PTPRD: variants seen among roughly 807,000 people sequenced by gnomAD.
PTPRD encodes the protein protein tyrosine phosphatase receptor type D, also known as receptor-type tyrosine-protein phosphatase delta.
In PTPRD, 34 loss-of-function variants were observed where a neutral mutation model predicts 214.5. That is an observed-to-expected ratio of 0.16 (90% CI 0.12 to 0.21). PTPRD has a LOEUF of 0.21. PTPRD is among the 10% of genes least tolerant of loss of function. The probability of loss-of-function intolerance (pLI) is 1.00; values close to 1 mark genes in which losing one functional copy is unlikely to be tolerated. For missense variants in PTPRD, 2,545 were observed against 2,398.7 expected, an observed-to-expected ratio of 1.06 and a Z score of -1.27; for synonymous variants, 1,128 against 845.7, an observed-to-expected ratio of 1.33 and a Z score of -5.79.
chr9:9,168,267 G>A (rs553833220), intron 10 of PTPRD, among the ~76,000 whole-genome samples: 7 of 152,120 alleles, frequency 4.6e-5, no homozygotes, highest in South Asian at 2.1e-4. Context: ...AGTTTAGATT[G>A]ACATAAAATC....
intron 7 of PTPRD, among the ~76,000 whole-genome samples, chr9:9,685,856 T>A (rs534613253): frequency 6.6e-6 from 1 of 151,596 alleles, no homozygotes; most frequent in South Asian, 2.1e-4. Context: ...TATATACCAG[T>A]AACTTTGATT....
At chr9:8,763,481 C>T (rs1165727501) in intron 11 of PTPRD, among the ~76,000 whole-genome samples, 1 of 151,936 alleles carries the variant, frequency 6.6e-6, no homozygotes, top group Non-Finnish European at 1.5e-5. Flanking sequence ...CCACTGCACT[C>T]CAGCCTGGGT....
Position 10,550,277 on chromosome 9 carries a change from T to A in PTPRD, c.-600+62121A>T, listed in dbSNP as rs184719514. Among the ~76,000 whole-genome samples the A allele has an allele frequency of 1.2e-4, 18 of 152,328 alleles. No individual in the cohort carries two copies. In the East Asian group the frequency reaches 3.3e-3, roughly 28 times the overall value. ...AATCAAGTACTTTCTTTTATACATATATAATTTTTTAAATTTAGATTCAGA... is the reference window on the plus strand; with the variant it reads ...AATCAAGTACTTTCTTTTATACATAAATAATTTTTTAAATTTAGATTCAGA... On this transcript the variant is annotated intron_variant, in intron 2 of 45. Coordinates refer to ENST00000381196, the MANE Select transcript of PTPRD (RefSeq NM_002839.4).
intron 2 of PTPRD, among the ~76,000 whole-genome samples, chr9:10,393,027 T>G (rs1034069834): frequency 6.6e-6 from 1 of 151,796 alleles, no homozygotes; most frequent in African/African-American, 2.4e-5. Flanking sequence ...TGAGCCATAT[T>G]CTAGCTGTGT....
intron 7 of PTPRD, among the ~76,000 whole-genome samples, chr9:9,630,823 A>C (rs1360300316): frequency 2.0e-5 from 3 of 152,186 alleles, no homozygotes; most frequent in Non-Finnish European, 4.4e-5. Flanking sequence ...GTCAGGAATT[A>C]GATAGTAAGC....
chr9:10,419,179 T>C (rs999388044), intron 2 of PTPRD, among the ~76,000 whole-genome samples: 2 of 151,966 alleles, frequency 1.3e-5, no homozygotes, highest in Non-Finnish European at 1.5e-5. Context: ...ATGACTTTCA[T>C]GTTGCAAAAT....
At chr9:10,208,462 G>T (rs541221754) in intron 3 of PTPRD, among the ~76,000 whole-genome samples, 5 of 152,212 alleles carry the variant, frequency 3.3e-5, no homozygotes, top group East Asian at 1.9e-4. Context: ...TGCAGTGAAC[G>T]GAGATCGCGC....
At chr9:10,303,050 TAACA>T (rs1412365245) in intron 3 of PTPRD, among the ~76,000 whole-genome samples, 2 of 151,992 alleles carry the variant, frequency 1.3e-5, no homozygotes, top group South Asian at 2.1e-4. Context: ...ATAGCAATCA[TAACA>T]AACAGTCTCT....
rs547789080 is a variant in PTPRD at position 10,553,163 on chromosome 9, G to C, written c.-600+59235C>G. On this transcript the variant is annotated intron_variant, in intron 2 of 45. Coordinates refer to ENST00000381196, the MANE Select transcript of PTPRD (RefSeq NM_002839.4). ...CTGTCCATCCAGCCTAAGGAGGAGA[G>C]AATGTAGTAGGATACAGCACAGTCC... 6.2e-4 allele frequency among the ~76,000 whole-genome samples: 95 copies of C among 152,224 alleles called. 1 individual carries two copies. Among genetic ancestry groups the C allele is most frequent in the African/African-American group, 2.1e-3 (88 of 41,524 alleles).
intron 4 of PTPRD, among the ~76,000 whole-genome samples, chr9:10,023,453 G>A (rs535309803): frequency 3.3e-5 from 5 of 152,178 alleles, no homozygotes; most frequent in Admixed American, 2.0e-4. Context: ...TTTCTTCCAC[G>A]TACTTGAGAA....
chr9:10,232,003 T>A (rs1286417184), intron 3 of PTPRD, among the ~76,000 whole-genome samples: 1 of 149,730 alleles, frequency 6.7e-6, no homozygotes, highest in Admixed American at 6.7e-5. Context: ...TGTGTGTGTG[T>A]GTGTGTGTGT....
chr9:9,678,593 T>G (rs544014180), intron 7 of PTPRD, among the ~76,000 whole-genome samples: 1 of 151,900 alleles, frequency 6.6e-6, no homozygotes, highest in South Asian at 2.1e-4. Context: ...TCATTATTAA[T>G]AGTGAACTAT....
intron 7 of PTPRD, among the ~76,000 whole-genome samples, chr9:9,715,550 C>G (rs1455179846): frequency 6.6e-6 from 1 of 152,020 alleles, no homozygotes; most frequent in Non-Finnish European, 1.5e-5. Context: ...AATCAGAGAA[C>G]AAACACCTGT....
chr9:9,288,443 C>T (rs991072436), intron 9 of PTPRD, among the ~76,000 whole-genome samples: 2 of 151,730 alleles, frequency 1.3e-5, no homozygotes, highest in African/African-American at 4.8e-5. Context: ...TTAAAAAACA[C>T]GTAAAGATCA....
At chr9:9,384,488 G>GGTATGTTGAGGTCGAGTTTTTGAA (rs1569567878) in intron 9 of PTPRD, among the ~76,000 whole-genome samples, 1 of 149,272 alleles carries the variant, frequency 6.7e-6, no homozygotes, top group Non-Finnish European at 1.5e-5. Context: ...GAGTTTTTGA[G>GGTATGTTGAGGTCGAGTTTTTGAA]CTCTTGCAGT....
intron 10 of PTPRD, among the ~76,000 whole-genome samples, chr9:9,127,646 T>A (rs574309025): frequency 6.6e-6 from 1 of 152,186 alleles, no homozygotes; most frequent in Non-Finnish European, 1.5e-5. Context: ...TTCAGATATA[T>A]GCTAAATAAG....
chr9:9,554,541 A>G (rs1316893932), intron 8 of PTPRD, among the ~76,000 whole-genome samples: 3 of 152,060 alleles, frequency 2.0e-5, no homozygotes, highest in Non-Finnish European at 4.4e-5. Context: ...TGAAAGAAAT[A>G]TATTCTGGCA....
chr9:10,583,864 C>T (rs1220045481), intron 2 of PTPRD, among the ~76,000 whole-genome samples: 3 of 152,054 alleles, frequency 2.0e-5, no homozygotes, highest in Non-Finnish European at 2.9e-5. Context: ...CTGTCAGAAG[C>T]GCATTAAATA....
chr9:9,580,968 C>A (rs2090596632), intron 7 of PTPRD, among the ~76,000 whole-genome samples: 1 of 152,048 alleles, frequency 6.6e-6, no homozygotes, highest in Non-Finnish European at 1.5e-5. Flanking sequence ...ATCTTCCATT[C>A]TGTGGGTTGT....
Sources: allele counts gnomAD v4.1 joint callset (sites outside exome capture counted in the v4.1 genomes callset), GRCh38; gene constraint gnomAD v4.1.1; transcripts MANE v1.5; gene names NCBI Gene and HGNC (gene_info 2026-07-23, HGNC 2026-07-21).